Variants in TPST2 observed in about 807,000 individuals in gnomAD.
TPST2 encodes the protein tyrosylprotein sulfotransferase 2.
Under a neutral mutation model 27.8 loss-of-function variants are expected in TPST2, and 16 were observed. The ratio of observed to expected loss-of-function variants is 0.58; its 90% CI spans 0.39 to 0.88. TPST2 has a LOEUF of 0.88. Ranked by LOEUF, TPST2 falls within the 40% of genes least tolerant of loss-of-function variation. TPST2 has a pLI of 0.00. For missense variants in TPST2, 464 were observed against 543.1 expected, an observed-to-expected ratio of 0.85 and a Z score of 1.45; for synonymous variants, 229 against 231.7, an observed-to-expected ratio of 0.99 and a Z score of 0.10.
At chr22:26,581,434 G>A (rs1208900837) in intron 1 of TPST2, among the ~76,000 whole-genome samples, 1 of 152,188 alleles carries the variant, frequency 6.6e-6, no homozygotes, top group Non-Finnish European at 1.5e-5. Context: ...TAAACAGAAG[G>A]ATGGATTGAG....
At chr22:26,570,039 GA>G (rs1927563587) in intron 1 of TPST2, among the ~76,000 whole-genome samples, 4 of 126,270 alleles carry the variant, frequency 3.2e-5, no homozygotes, top group African/African-American at 6.4e-5. Flanking sequence ...AAGAAAGAAA[GA>G]AAGACAGAAA....
Position 26,560,626 on chromosome 22 carries a change from C to A in TPST2, c.-160-15951G>T, listed in dbSNP as rs59996794. ...GCGCATAAGAAGAAGCACCCAGATGCTTCAGTCAACCTCTCAGAGTTTTCT... is the reference window on the plus strand; with the variant it reads ...GCGCATAAGAAGAAGCACCCAGATGATTCAGTCAACCTCTCAGAGTTTTCT... On this transcript the variant is annotated intron_variant, in intron 1 of 6. Coordinates refer to ENST00000338754, the MANE Select transcript of TPST2 (RefSeq NM_003595.5). 1.4e-3 allele frequency: 1,782 copies of A among 1,297,318 alleles called. 19 individuals are homozygous for A. In the African/African-American group the frequency reaches 0.018, roughly 13 times the overall value. The allele number at this position is 1,297,318 out of a possible 1,614,324, so 80.4% of individuals were successfully genotyped here. A position where few individuals can be genotyped will look rare whatever the true frequency, so the allele number is the denominator to read the frequency against.
chr22:26,546,414 C>A (rs1602268456), intron 1 of TPST2, among the ~76,000 whole-genome samples: 1 of 152,350 alleles, frequency 6.6e-6, no homozygotes, highest in Admixed American at 6.5e-5. Context: ...CAATTAGGAA[C>A]CAGGCACTTG....
At chr22:26,528,346 C>T (rs2283822) in intron 5 of TPST2, 84 bp from the exon 6 acceptor site, 407,624 of 1,455,976 alleles carry the variant, frequency 0.28, 58,352 homozygotes, top group Non-Finnish European at 0.3. Context: ...CTCAGCATCA[C>T]TGAGTCATGC....
chr22:26,532,511 C>A lies in TPST2; in HGVS notation c.1092+184G>T, dbSNP rs150820834. On this transcript the variant is annotated intron_variant, in intron 5 of 6. Transcript: ENST00000338754. ...GGTCAGGCTGGTCTTGAACTCCTGA[C>A]CTCGTGATCTGCCTGCCTTGGCCTC... Among the ~76,000 whole-genome samples, 1,353 of 152,280 alleles carry A rather than the reference C, an allele frequency of 8.9e-3. 18 individuals are homozygous for A. Among genetic ancestry groups the A allele is most frequent in the African/African-American group, 0.031 (1,307 of 41,542 alleles).
intron 1 of TPST2, among the ~76,000 whole-genome samples, chr22:26,553,999 C>G (rs4822737): frequency 0.58 from 88,410 of 151,874 alleles, 26,178 homozygotes; most frequent in Non-Finnish European, 0.62. Flanking sequence ...AGAAGACGGA[C>G]AGCCAACAAT....
At chr22:26,575,744 C>T (rs1397940288) in intron 1 of TPST2, among the ~76,000 whole-genome samples, 5 of 152,172 alleles carry the variant, frequency 3.3e-5, no homozygotes, top group Non-Finnish European at 2.9e-5. Context: ...GCCTGTCATC[C>T]CAGCACTTTG....
chr22:26,578,841 ATTTCTTTC>A (rs564109264), intron 1 of TPST2, among the ~76,000 whole-genome samples: 1 of 146,824 alleles, frequency 6.8e-6, no homozygotes, highest in East Asian at 2.0e-4. Flanking sequence ...GCTGGACCCT[ATTTCTTTC>A]TTTCTTTTTT....
At chr22:26,578,269 C>G (rs576870965) in intron 1 of TPST2, among the ~76,000 whole-genome samples, 2 of 152,304 alleles carry the variant, frequency 1.3e-5, no homozygotes, top group South Asian at 4.1e-4. Flanking sequence ...GATCTCACAG[C>G]AGGTTTTAGC....
intron 3 of TPST2, among the ~76,000 whole-genome samples, chr22:26,538,270 C>G (rs372709477): frequency 5.6e-4 from 85 of 152,288 alleles, no homozygotes; most frequent in African/African-American, 1.9e-3. Flanking sequence ...AACACAGATT[C>G]AGAGGCTGCA....
chr22:26,581,791 T>G (rs931120123), intron 1 of TPST2, among the ~76,000 whole-genome samples: 2 of 152,218 alleles, frequency 1.3e-5, no homozygotes, highest in Non-Finnish European at 2.9e-5. Context: ...GTTTTATAAC[T>G]TGTAGGGACT....
chr22:26,566,150 C>T (rs1927367851), intron 1 of TPST2, among the ~76,000 whole-genome samples: 1 of 152,210 alleles, frequency 6.6e-6, no homozygotes, highest in African/African-American at 2.4e-5. Context: ...GGCACGGTGG[C>T]TCATGCCTGT....
chr22:26,586,061 A>C (rs28380317), intron 1 of TPST2, among the ~76,000 whole-genome samples: 9,660 of 151,786 alleles, frequency 0.064, 366 homozygotes, highest in Non-Finnish European at 0.068. Flanking sequence ...TAATAATAAT[A>C]ATCATAATAA....
intron 1 of TPST2, among the ~76,000 whole-genome samples, chr22:26,547,182 G>C (rs1001807505): frequency 6.6e-6 from 1 of 151,974 alleles, no homozygotes; most frequent in African/African-American, 2.4e-5. Flanking sequence ...TGACTTCCTC[G>C]AGCTCAAGCG....
intron 1 of TPST2, among the ~76,000 whole-genome samples, chr22:26,577,108 A>G (rs964600914): frequency 8.6e-5 from 13 of 150,950 alleles, no homozygotes; most frequent in Non-Finnish European, 1.9e-4. Context: ...AAAAAAAAAA[A>G]AAAAAGAAAA....
intron 1 of TPST2, among the ~76,000 whole-genome samples, chr22:26,546,993 C>A (rs1203956489): frequency 6.6e-6 from 1 of 152,244 alleles, no homozygotes; most frequent in East Asian, 1.9e-4. Flanking sequence ...CTGACCTCTG[C>A]ACTAGAACAT....
intron 1 of TPST2, among the ~76,000 whole-genome samples, chr22:26,566,321 G>A (rs1927378130): frequency 1.3e-5 from 2 of 152,132 alleles, no homozygotes; most frequent in African/African-American, 4.8e-5. Flanking sequence ...GGGGGGCCGA[G>A]GAAGGCGGAT....
rs150101222 is a variant in TPST2 at position 26,579,692 on chromosome 22, G to A, written c.-161+10361C>T. On this transcript the variant is annotated intron_variant, in intron 1 of 6. Coordinates refer to ENST00000338754, the MANE Select transcript of TPST2 (RefSeq NM_003595.5). ...TTTTTAATGAGAGAAAGGAAGGGCCGTGCTGGCACCTGTGTGGGCTTGGGG... is the reference window on the plus strand; with the variant it reads ...TTTTTAATGAGAGAAAGGAAGGGCCATGCTGGCACCTGTGTGGGCTTGGGG... Among the ~76,000 whole-genome samples the A allele has an allele frequency of 1.4e-3, 213 of 152,322 alleles. 2 individuals carry two copies. Among genetic ancestry groups the A allele is most frequent in the Middle Eastern group, 3.4e-3 (1 of 294 alleles).
intron 1 of TPST2, among the ~76,000 whole-genome samples, chr22:26,562,641 T>G (rs1245359483): frequency 6.7e-6 from 1 of 150,096 alleles, no homozygotes; most frequent in African/African-American, 2.4e-5. Context: ...TTTTTTTTTT[T>G]GAGACTGACT....
Sources: allele counts gnomAD v4.1 joint callset (sites outside exome capture counted in the v4.1 genomes callset), GRCh38; gene constraint gnomAD v4.1.1; transcripts MANE v1.5; gene names NCBI Gene and HGNC (gene_info 2026-07-23, HGNC 2026-07-21).